HIBCH: variants seen among roughly 807,000 people sequenced by gnomAD.
HIBCH encodes 3-hydroxyisobutyryl-CoA hydrolase, mitochondrial.
HIBCH carries 50 observed loss-of-function variants against 58.2 expected under a neutral mutation model. That is an observed-to-expected ratio of 0.86 (90% CI 0.68 to 1.09). HIBCH has a LOEUF of 1.09. HIBCH is among the 50% of genes least tolerant of loss of function. The pLI, the probability that HIBCH is intolerant of heterozygous loss-of-function variation, is 0.00. For synonymous variants in HIBCH, 151 were observed against 146.9 expected, an observed-to-expected ratio of 1.03 and a Z score of -0.20; for missense variants, 450 against 449.7, an observed-to-expected ratio of 1.00 and a Z score of -0.01.
At chr2:190,316,488 G>GA (rs1370779528) in intron 1 of HIBCH, among the ~76,000 whole-genome samples, 2 of 152,172 alleles carry the variant, frequency 1.3e-5, no homozygotes, top group East Asian at 1.9e-4. Flanking sequence ...AAGAAAAACA[G>GA]AAAAAAACTA....
chr2:190,192,421 CTA>C (rs1190231425), intron 1 of HIBCH, among the ~76,000 whole-genome samples: 2 of 147,548 alleles, frequency 1.4e-5, no homozygotes, highest in African/African-American at 5.1e-5. Flanking sequence ...TTTGGCCATT[CTA>C]GTTTGTGTTT....
chr2:190,199,805 A>AGAT (rs2105889495), downstream of HIBCH: 1 of 1,580,134 alleles, frequency 6.3e-7, no homozygotes, highest in Admixed American at 1.8e-5. Context: ...TGTTTTCTAA[A>AGAT]GATGGCCTGG....
intron 4 of HIBCH, among the ~76,000 whole-genome samples, 173 bp from the exon 5 acceptor site, chr2:190,290,658 T>C (rs533402488): frequency 1.3e-5 from 2 of 152,302 alleles, no homozygotes; most frequent in South Asian, 2.1e-4. Flanking sequence ...CACAGATCCA[T>C]AGTCCAATGT....
chr2:190,290,497 A>C lies in HIBCH; in HGVS notation c.305-12T>G. 1 of 1,562,734 alleles carries C rather than the reference A, an allele frequency of 6.4e-7. No individual in the cohort carries two copies. Among genetic ancestry groups the C allele is most frequent in the Non-Finnish European group, 8.8e-7 (1 of 1,135,652 alleles). On this transcript the variant is annotated splice_polypyrimidine_tract_variant and intron_variant, in intron 4 of 13. Coordinates refer to ENST00000359678, the MANE Select transcript of HIBCH (RefSeq NM_014362.4). ...AGCTTCCGAGATCACTAGGAAGGAAAGATTACAAATAAAAAAAAAAAGATT... is the reference window on the plus strand; with the variant it reads ...AGCTTCCGAGATCACTAGGAAGGAACGATTACAAATAAAAAAAAAAAGATT...
chr2:190,262,730 T>C (rs1278825797), intron 6 of HIBCH, among the ~76,000 whole-genome samples: 1 of 152,214 alleles, frequency 6.6e-6, no homozygotes, highest in African/African-American at 2.4e-5. Context: ...AAGCTACAGA[T>C]CCATGCGGGG....
At chr2:190,199,656 C>CATTCTGT, downstream of HIBCH, 1 of 1,301,704 alleles carries the variant, frequency 7.7e-7, no homozygotes, top group South Asian at 1.8e-5. Context: ...CACTATTTTG[C>CATTCTGT]ATTCTGTAAC....
chr2:190,283,050 T>C lies in HIBCH; in HGVS notation c.438+4536A>G, dbSNP rs190439268. Among the ~76,000 whole-genome samples, 415 of 152,274 alleles carry C rather than the reference T, an allele frequency of 2.7e-3. 6 individuals carry two copies. Among genetic ancestry groups the C allele is most frequent in the Admixed American group, 0.025 (375 of 15,292 alleles). ...TCCAAAACTCTGAAATCTGAAATGC[T>C]CCAATGAGCATTTCCTTTGAGTATC... On this transcript the variant is annotated intron_variant, in intron 6 of 13. Transcript: ENST00000359678.
At position 190,310,800 on chromosome 2, in the gene HIBCH, A is replaced by C; in HGVS notation, c.36-4T>G. The C allele has an allele frequency of 6.3e-7, 1 of 1,599,626 alleles. No homozygotes were observed. The highest frequency in any genetic ancestry group is 8.6e-7 in the Non-Finnish European group (1 of 1,166,766). On this transcript the variant is annotated splice_region_variant and splice_polypyrimidine_tract_variant and intron_variant, in intron 1 of 13. Coordinates refer to ENST00000359678, the MANE Select transcript of HIBCH (RefSeq NM_014362.4). ...AGTCCTTTTGAATGCATTAAACCTG[A>C]AACAAATGTGGAAAACAATGAGAAC...
intron 2 of HIBCH, among the ~76,000 whole-genome samples, chr2:190,298,509 G>T (rs1201239829): frequency 1.3e-5 from 2 of 152,092 alleles, no homozygotes; most frequent in African/African-American, 4.8e-5. Flanking sequence ...CAGTAATAAT[G>T]AGCTTTTTTT....
intron 11 of HIBCH, among the ~76,000 whole-genome samples, chr2:190,223,275 A>C (rs1685780352): frequency 6.6e-6 from 1 of 152,194 alleles, no homozygotes; most frequent in African/African-American, 2.4e-5. Context: ...ATAATAAAAA[A>C]ATAAATAAGA....
chr2:190,313,643 C>CAAAAAAA (rs546101154), intron 1 of HIBCH, among the ~76,000 whole-genome samples: 7 of 78,882 alleles, frequency 8.9e-5, no homozygotes, highest in African/African-American at 2.0e-4. Context: ...CTCTGTCTCA[C>CAAAAAAA]AAAAAAAAAA....
Position 190,236,460 on chromosome 2 carries a change from TACAA to T in HIBCH, c.891+8423_891+8426del, listed in dbSNP as rs1185719531. Among the ~76,000 whole-genome samples, 9 of 152,312 alleles carry T rather than the reference TACAA, an allele frequency of 5.9e-5. No homozygotes were observed. In the East Asian group the frequency reaches 1.3e-3, roughly 23 times the overall value. On this transcript the variant is annotated intron_variant, in intron 11 of 13. Transcript: ENST00000359678. This position sits in a 1 kb window ranked among gnomAD's most constrained non-coding sequence, Gnocchi z 4.1. Reference sequence around the variant, plus strand: ...TTTTCTAAGTAATCATCTTAAACCTTACAAACATATATCTATAAATCATTTCCAG... The same window carrying T: ...TTTTCTAAGTAATCATCTTAAACCTTACATATATCTATAAATCATTTCCAG...
intron 4 of HIBCH, among the ~76,000 whole-genome samples, chr2:190,292,215 C>T (rs1156937602): frequency 6.6e-6 from 1 of 152,210 alleles, no homozygotes; most frequent in Non-Finnish European, 1.5e-5. Flanking sequence ...CTCCCAACCT[C>T]AGGTGATCTG....
At chr2:190,271,280 TAC>T (rs1304754756) in intron 6 of HIBCH, among the ~76,000 whole-genome samples, 6 of 125,648 alleles carry the variant, frequency 4.8e-5, no homozygotes, top group Admixed American at 1.9e-4. Context: ...ATCTCTACCC[TAC>T]TTTTTTTTTT....
intron 1 of HIBCH, among the ~76,000 whole-genome samples, chr2:190,193,703 A>G (rs1689826738): frequency 6.6e-6 from 1 of 152,156 alleles, no homozygotes; most frequent in Non-Finnish European, 1.5e-5. Flanking sequence ...ACATCTTAAT[A>G]TGTGACTTTT....
At chr2:190,293,356 G>A (rs1688003570) in intron 4 of HIBCH, among the ~76,000 whole-genome samples, 1 of 152,060 alleles carries the variant, frequency 6.6e-6, no homozygotes, top group Admixed American at 6.6e-5. Context: ...GGGAAGCTGA[G>A]GCAGGAGAAT....
chr2:190,287,058 G>GTGTA (rs10662510), intron 6 of HIBCH, among the ~76,000 whole-genome samples: 48 of 147,790 alleles, frequency 3.2e-4, no homozygotes, highest in African/African-American at 8.6e-4. Context: ...GTGTGTGTGT[G>GTGTA]TATACATATA....
chr2:190,301,209 T>C (rs185891962), intron 2 of HIBCH, among the ~76,000 whole-genome samples: 295 of 152,230 alleles, frequency 1.9e-3, no homozygotes, highest in Admixed American at 3.7e-3. Flanking sequence ...TCCTTTCCCT[T>C]TATCTCCCAT....
chr2:190,256,459 T>TAATAATAAATTAATAC (rs1686927934), intron 7 of HIBCH, among the ~76,000 whole-genome samples: 17 of 146,982 alleles, frequency 1.2e-4, no homozygotes, highest in African/African-American at 4.3e-4. Flanking sequence ...AAAAAAAAAA[T>TAATAATAAATTAATAC]AATAATAATA....
Sources: gnomAD v4.1 joint callset for allele counts (sites outside exome capture counted in the v4.1 genomes callset) on GRCh38, gnomAD v4.1.1 for gene constraint, Gnocchi (gnomAD v3.1) non-coding constraint, MANE v1.5 for transcripts, NCBI Gene and HGNC (gene_info 2026-07-23, HGNC 2026-07-21) for gene names.